The following RABGAP1L variants were observed in gnomAD, a reference collection of about 807,000 sequenced individuals.
RABGAP1L encodes RAB GTPase activating protein 1 like.
A neutral mutation model predicts 137.7 loss-of-function variants in RABGAP1L; 63 were observed. The ratio of observed to expected loss-of-function variants is 0.46; its 90% CI spans 0.37 to 0.56. The LOEUF is 0.56. RABGAP1L is among the 20% of genes least tolerant of loss of function. The pLI is 0.00. For missense variants in RABGAP1L, 1,095 were observed against 1,244.0 expected (o/e 0.88, Z 1.80); for synonymous variants, 431 against 433.7 (o/e 0.99, Z 0.08).
chr1:174,349,964 A>C (rs1369172547), intron 11 of RABGAP1L, among the ~76,000 whole-genome samples: 16 of 72,172 alleles, frequency 2.2e-4, no homozygotes, highest in East Asian at 4.8e-4. Context: ...GGGGGGGCTG[A>C]CCCCCCCATC....
At chr1:174,610,186 C>T (rs1267796723) in intron 13 of RABGAP1L, among the ~76,000 whole-genome samples, 2 of 149,580 alleles carry the variant, frequency 1.3e-5, no homozygotes, top group East Asian at 3.9e-4. Context: ...GGTATATCTC[C>T]TAATGCTATC....
intron 13 of RABGAP1L, among the ~76,000 whole-genome samples, chr1:174,596,904 G>GT (rs998641820): frequency 4.6e-5 from 7 of 151,912 alleles, no homozygotes; most frequent in East Asian, 1.9e-4. Context: ...GTTTTTTTAG[G>GT]TTTTTTTAAA....
chr1:174,805,421 G>A (rs1054600941), intron 18 of RABGAP1L, among the ~76,000 whole-genome samples: 4 of 152,230 alleles, frequency 2.6e-5, no homozygotes, highest in African/African-American at 9.6e-5. Flanking sequence ...TATTTAAAAG[G>A]ATTTGTCAGA....
intron 1 of RABGAP1L, among the ~76,000 whole-genome samples, chr1:174,168,775 A>G (rs1487523611): frequency 1.3e-5 from 2 of 152,248 alleles, no homozygotes; most frequent in African/African-American, 4.8e-5. Flanking sequence ...GCCAACACTA[A>G]TGAACATAGA....
At chr1:174,380,164 T>C (rs1308648941) in intron 12 of RABGAP1L, among the ~76,000 whole-genome samples, 1 of 151,600 alleles carries the variant, frequency 6.6e-6, no homozygotes, top group Non-Finnish European at 1.5e-5. Flanking sequence ...GATAAGCTTT[T>C]TGATGTGCTG....
At chr1:174,756,876 G>A (rs1684810109) in intron 18 of RABGAP1L, 3 of 623,148 alleles carry the variant, frequency 4.8e-6, no homozygotes, top group South Asian at 1.4e-5. Flanking sequence ...CACCACTCTC[G>A]AAGGCATCTG....
At chr1:174,790,766 AGT>A (rs113486055) in intron 18 of RABGAP1L, among the ~76,000 whole-genome samples, 12 of 137,102 alleles carry the variant, frequency 8.8e-5, no homozygotes, top group Non-Finnish European at 1.6e-4. Context: ...TGAAGCCATG[AGT>A]GTGTGTGTGT....
intron 12 of RABGAP1L, among the ~76,000 whole-genome samples, chr1:174,380,466 T>G (rs1167901968): frequency 4.0e-5 from 6 of 151,000 alleles, no homozygotes; most frequent in South Asian, 2.1e-4. Context: ...CAATTTCAGC[T>G]CCTGTTATTG....
Position 174,206,167 on chromosome 1 carries a change from T to C in RABGAP1L, c.-33-12958T>C, listed in dbSNP as rs147332514. ...GTGGGGTTGACATTTTTATAAAAGC[T>C]ATGTGGTTTAAGTAGAGAGAAGGCT... On this transcript the variant is annotated intron_variant, in intron 1 of 25. Transcript: ENST00000681986. Among the ~76,000 whole-genome samples the C allele has an allele frequency of 1.6e-3, 238 of 152,334 alleles. 1 individual carries two copies. The highest frequency in any genetic ancestry group is 5.5e-3 in the African/African-American group (230 of 41,580).
At chr1:174,616,895 T>G (rs546361527) in intron 13 of RABGAP1L, among the ~76,000 whole-genome samples, 12 of 152,306 alleles carry the variant, frequency 7.9e-5, no homozygotes, top group African/African-American at 2.6e-4. Context: ...GCATCTCACG[T>G]GATTCTTATA....
rs1255495736 is a variant in RABGAP1L, at chr1:174,450,282, G to A, written c.1710+56137G>A. On this transcript the variant is annotated intron_variant, in intron 13 of 25. Transcript: ENST00000681986. ...TGAATCTTTTTTGTGTTAGGTCTAC[G>A]ATAGCTTACTGTTGTGTCCACTAGT... 2.6e-5 allele frequency among the ~76,000 whole-genome samples: 4 copies of A among 152,054 alleles called. No individual in the cohort carries two copies. In the East Asian group the frequency reaches 5.8e-4, roughly 22 times the overall value.
intron 11 of RABGAP1L, among the ~76,000 whole-genome samples, chr1:174,363,573 T>A (rs939689450): frequency 3.3e-5 from 5 of 152,180 alleles, no homozygotes; most frequent in African/African-American, 4.8e-5. Flanking sequence ...GCTAGAACTT[T>A]CAGTACTTTG....
intron 13 of RABGAP1L, among the ~76,000 whole-genome samples, chr1:174,546,994 C>T (rs375830115): frequency 1.0e-4 from 13 of 125,336 alleles, no homozygotes; most frequent in African/African-American, 4.0e-4. Flanking sequence ...CGCGCCACTG[C>T]ACTCCAGCCT....
intron 19 of RABGAP1L, among the ~76,000 whole-genome samples, chr1:174,826,599 T>C (rs943015726): frequency 1.7e-4 from 26 of 152,208 alleles, no homozygotes; most frequent in African/African-American, 6.0e-4. Flanking sequence ...AATAGCTTTG[T>C]GGTGAACATA....
At chr1:174,654,138 G>A (rs1359762048) in intron 14 of RABGAP1L, among the ~76,000 whole-genome samples, 1 of 152,178 alleles carries the variant, frequency 6.6e-6, no homozygotes, top group Non-Finnish European at 1.5e-5. Context: ...ATGGTGAGTC[G>A]TCAGCCAAAG....
At chr1:174,717,099 C>A (rs535998357) in intron 17 of RABGAP1L, among the ~76,000 whole-genome samples, 5 of 152,166 alleles carry the variant, frequency 3.3e-5, no homozygotes, top group Admixed American at 2.0e-4. Flanking sequence ...CATAAAAGAT[C>A]CCTCGTTAAT....
chr1:174,231,354 A>G lies in RABGAP1L; in HGVS notation c.541A>G (p.Arg181Gly), dbSNP rs1334923054. The G allele has an allele frequency of 1.2e-6, 2 of 1,612,604 alleles. No individual in the cohort carries two copies. The highest frequency in any genetic ancestry group is 2.2e-5 in the East Asian group (1 of 44,874). Reference protein sequence around the residue: ...YVPNVPEGSVRIIDQSSNVEI... With the variant: ...YVPNVPEGSVGIIDQSSNVEI... ...ACCAAATGTTCCAGAAGGTTCTGTG[A>G]GGTAAGCTCTAATTTGTTTTTCTTT... The change falls in exon 4 of 26, where the codon AGA becomes GGA. Residue 181 changes from arginine (R) to glycine (G), a missense_variant and splice_region_variant. Transcript: ENST00000681986.
chr1:174,773,982 T>G (rs540704391), intron 18 of RABGAP1L, among the ~76,000 whole-genome samples: 1 of 152,346 alleles, frequency 6.6e-6, no homozygotes, highest in African/African-American at 2.4e-5. Flanking sequence ...TAGAATGAAA[T>G]AGACTAATTT....
At chr1:174,397,636 A>G (rs2149093032) in intron 13 of RABGAP1L, among the ~76,000 whole-genome samples, 1 of 152,286 alleles carries the variant, frequency 6.6e-6, no homozygotes, top group South Asian at 2.1e-4. Context: ...ACCCTGTCTG[A>G]TACACTTGGC....
Sources: gnomAD v4.1 joint callset for allele counts (sites outside exome capture counted in the v4.1 genomes callset) on GRCh38, gnomAD v4.1.1 for gene constraint, MANE v1.5 for transcripts, NCBI Gene and HGNC (gene_info 2026-07-23, HGNC 2026-07-21) for gene names.